Variants in PLCL2 observed in about 807,000 individuals in gnomAD.
The protein encoded by PLCL2 is phospholipase C like 2.
Under a neutral mutation model 79.6 loss-of-function variants are expected in PLCL2, and 4 were observed. That is an observed-to-expected ratio of 0.05 (90% confidence interval 0.02 to 0.11). The LOEUF is 0.11. Ranked by LOEUF, PLCL2 falls within the 10% of genes least tolerant of loss-of-function variation. The probability of loss-of-function intolerance (pLI) is 1.00; values close to 1 mark genes in which losing one functional copy is unlikely to be tolerated. For missense variants in PLCL2, 895 were observed against 1,291.0 expected, an observed-to-expected ratio of 0.69 and a Z score of 4.70; for synonymous variants, 484 against 457.7, an observed-to-expected ratio of 1.06 and a Z score of -0.73.
intron 1 of PLCL2, among the ~76,000 whole-genome samples, chr3:16,973,647 G>A (rs1283512847): frequency 1.3e-5 from 2 of 152,194 alleles, no homozygotes; most frequent in African/African-American, 4.8e-5. Context: ...CCAGGGGAGT[G>A]AGAAGACTGC....
At chr3:17,066,450 AGTT>A (rs1366506522) in intron 4 of PLCL2, among the ~76,000 whole-genome samples, 1 of 152,240 alleles carries the variant, frequency 6.6e-6, no homozygotes, top group Non-Finnish European at 1.5e-5. Context: ...TAAGGAATAA[AGTT>A]GTTGTCAATC....
chr3:16,955,553 A>G lies in PLCL2; in HGVS notation c.328-54121A>G, dbSNP rs952296963. Among the ~76,000 whole-genome samples, 311 of 152,216 alleles carry G rather than the reference A, an allele frequency of 2.0e-3. 1 individual carries two copies. The highest frequency in any genetic ancestry group is 5.8e-3 in the African/African-American group (239 of 41,524). On this transcript the variant is annotated intron_variant, in intron 1 of 5. Coordinates refer to ENST00000615277, the MANE Select transcript of PLCL2 (RefSeq NM_001144382.2). ...TATGAACTTTAAAGTAGTTTTTTCC[A>G]ATTCTGTGAAGAAAGTCATTGGTAG...
chr3:17,035,853 G>A (rs1247813536), intron 3 of PLCL2: 4 of 495,470 alleles, frequency 8.1e-6, no homozygotes, highest in Admixed American at 7.9e-5. Context: ...GCCTGCAGCG[G>A]GGTCCTGTGT....
At chr3:17,071,918 C>T (rs1205224566) in intron 5 of PLCL2, among the ~76,000 whole-genome samples, 1 of 152,004 alleles carries the variant, frequency 6.6e-6, no homozygotes, top group African/African-American at 2.4e-5. Context: ...CCTCTGCCTC[C>T]TGGGTTCAAG....
At chr3:17,012,734 T>C (rs1276450164) in intron 2 of PLCL2, among the ~76,000 whole-genome samples, 1 of 152,356 alleles carries the variant, frequency 6.6e-6, no homozygotes, top group South Asian at 2.1e-4. Flanking sequence ...CTCTGAAATA[T>C]ATAATGGCTA....
intron 1 of PLCL2, among the ~76,000 whole-genome samples, chr3:16,980,635 G>C (rs1198182208): frequency 1.3e-5 from 2 of 151,696 alleles, no homozygotes; most frequent in Admixed American, 1.3e-4. Context: ...GGGCAGAGAC[G>C]CTCCTCACTT....
intron 1 of PLCL2, among the ~76,000 whole-genome samples, chr3:16,959,848 G>A (rs760431815): frequency 6.6e-6 from 1 of 152,186 alleles, no homozygotes; most frequent in African/African-American, 2.4e-5. Context: ...GCTCATGCCT[G>A]TAATCCCAGC....
chr3:17,050,029 C>A (rs112011238), intron 4 of PLCL2, among the ~76,000 whole-genome samples: 10,372 of 152,140 alleles, frequency 0.068, 416 homozygotes, highest in South Asian at 0.14. Flanking sequence ...AAGAAATCCA[C>A]ACACCTACAA....
chr3:16,937,097 G>A (rs1326773054), intron 1 of PLCL2, among the ~76,000 whole-genome samples: 1 of 152,154 alleles, frequency 6.6e-6, no homozygotes, highest in Non-Finnish European at 1.5e-5. Flanking sequence ...AGTGTCCCCA[G>A]CATTGCCAAA....
At chr3:16,917,086 A>T (rs553251494) in intron 1 of PLCL2, among the ~76,000 whole-genome samples, 1 of 152,262 alleles carries the variant, frequency 6.6e-6, no homozygotes, top group South Asian at 2.1e-4. Flanking sequence ...TTTTCCTGGT[A>T]CTTAGCCCCT....
intron 1 of PLCL2, among the ~76,000 whole-genome samples, chr3:16,947,826 A>G (rs77751954): frequency 2.6e-5 from 4 of 152,094 alleles, no homozygotes; most frequent in African/African-American, 7.2e-5. Flanking sequence ...GGTTACAAAA[A>G]CTCATTTCTT....
In PLCL2 at chr3:16,996,272, G is replaced by A. The variant is rs188941777; in HGVS notation, c.328-13402G>A. Among the ~76,000 whole-genome samples the A allele has an allele frequency of 2.8e-3, 426 of 152,144 alleles. 1 individual carries two copies. The highest frequency in any genetic ancestry group is 0.017 in the Middle Eastern group (5 of 294). On this transcript the variant is annotated intron_variant, in intron 1 of 5. Transcript: ENST00000615277. Reference sequence around the variant, plus strand: ...GGTTATAGTGAGAGGAGTGGGCTGCGACTCAGGGCATCAGGAGACTTAGGC... The same window carrying A: ...GGTTATAGTGAGAGGAGTGGGCTGCAACTCAGGGCATCAGGAGACTTAGGC...
Position 17,011,537 on chromosome 3 carries a change from G to A in PLCL2, c.2191G>A (p.Ala731Thr). The change falls in exon 2 of 6, where the codon GCC (alanine) becomes ACC (threonine). Residue 731 changes from alanine (A) to threonine (T), a missense_variant. Ala to Thr is a moderately conservative substitution (Grantham distance 58). Transcript: ENST00000615277. This position sits in a 1 kb window ranked among gnomAD's most constrained non-coding sequence, Gnocchi z 7.9. ...AAACTGTGGCTATGTCCTCCGGCCA[G>A]CCATCATGAGGGAGGAGGTCTCCTT... Reference protein sequence around the residue: ...NGNCGYVLRPAIMREEVSFFS... With the variant: ...NGNCGYVLRPTIMREEVSFFS... 6.2e-7 allele frequency: 1 copy of A among 1,614,126 alleles called. No individual in the cohort carries two copies. The highest frequency in any genetic ancestry group is 2.2e-5 in the East Asian group (1 of 44,882).
intron 1 of PLCL2, among the ~76,000 whole-genome samples, chr3:17,000,006 C>T (rs2064191410): frequency 6.6e-6 from 1 of 152,090 alleles, no homozygotes; most frequent in Non-Finnish European, 1.5e-5. Flanking sequence ...TTAATAAGGC[C>T]ATGATTCTAA....
At chr3:16,902,597 C>T (rs1484463206) in intron 1 of PLCL2, among the ~76,000 whole-genome samples, 10 of 152,072 alleles carry the variant, frequency 6.6e-5, no homozygotes, top group Non-Finnish European at 2.9e-5. Context: ...GATGCCAAGG[C>T]AGGTAGATCA....
At chr3:16,948,881 CT>C (rs1166645634) in intron 1 of PLCL2, among the ~76,000 whole-genome samples, 1 of 152,132 alleles carries the variant, frequency 6.6e-6, no homozygotes, top group Non-Finnish European at 1.5e-5. Context: ...GGTACATAAA[CT>C]ATTTCTGCAT....
At chr3:16,977,773 C>T (rs2063942129) in intron 1 of PLCL2, among the ~76,000 whole-genome samples, 1 of 152,124 alleles carries the variant, frequency 6.6e-6, no homozygotes, top group Non-Finnish European at 1.5e-5. Context: ...ATATCCTTGA[C>T]TGGGTAGCTT....
At chr3:16,965,445 C>T (rs1023194755) in intron 1 of PLCL2, among the ~76,000 whole-genome samples, 1 of 151,958 alleles carries the variant, frequency 6.6e-6, no homozygotes, top group African/African-American at 2.4e-5. Context: ...AGTTTGAAGT[C>T]AGGTAGCGTG....
chr3:17,012,763 T>C (rs1332420644), intron 2 of PLCL2, among the ~76,000 whole-genome samples: 4 of 152,178 alleles, frequency 2.6e-5, no homozygotes, highest in African/African-American at 9.7e-5. Flanking sequence ...CAGTTAGGAA[T>C]TACATATTTA....
Sources: gnomAD v4.1 joint callset for allele counts (sites outside exome capture counted in the v4.1 genomes callset) on GRCh38, gnomAD v4.1.1 for gene constraint, Gnocchi (gnomAD v3.1) non-coding constraint, MANE v1.5 for transcripts, NCBI Gene and HGNC (gene_info 2026-07-23, HGNC 2026-07-21) for gene names.